The following MANSC1 variants were observed in gnomAD, a reference collection of about 807,000 sequenced individuals.
MANSC1 encodes MANSC domain-containing protein 1.
A neutral mutation model predicts 14.1 loss-of-function variants in MANSC1; 13 were observed. The observed-to-expected ratio is 0.92, with a 90% CI of 0.60 to 1.46. MANSC1 has a LOEUF of 1.46. Among genes scored for constraint, MANSC1 ranks in the 40% most tolerant of loss-of-function variants. MANSC1 has a pLI of 0.00. For synonymous variants in MANSC1, 227 were observed against 200.7 expected (o/e 1.13, Z -1.11); for missense variants, 486 against 511.4 (o/e 0.95, Z 0.48).
chr12:12,343,545 T>C (rs1242921974), intron 1 of MANSC1, 131 bp from the exon 2 acceptor site: 3 of 494,074 alleles, frequency 6.1e-6, no homozygotes, highest in Non-Finnish European at 1.1e-5. Context: ...CACGTATTTT[T>C]TGTTTCACTT....
Position 12,329,966 on chromosome 12 carries a change from G to C in MANSC1, c.*61C>G. 1 of 1,416,822 alleles carries C rather than the reference G, an allele frequency of 7.1e-7. No individual in the cohort carries two copies. Among genetic ancestry groups the C allele is most frequent in the Non-Finnish European group, 9.7e-7 (1 of 1,029,168 alleles). 87.8% of individuals were successfully genotyped at this position (1,416,822 alleles called of 1,614,324 possible). A position where few individuals can be genotyped will look rare whatever the true frequency, so the allele number is the denominator to read the frequency against. On this transcript the variant is annotated 3_prime_UTR_variant, in exon 4 of 4. Transcript: ENST00000535902. ...TCCTGCTAAGACTAGCAAGTCAGCAGAAACTCATTGCATTTGGGCTTCTGG... is the reference window on the plus strand; with the variant it reads ...TCCTGCTAAGACTAGCAAGTCAGCACAAACTCATTGCATTTGGGCTTCTGG...
chr12:12,346,674 T>C lies in MANSC1; in HGVS notation c.-100-3260A>G, dbSNP rs1404258172. Among the ~76,000 whole-genome samples the C allele has an allele frequency of 2.0e-5, 3 of 152,136 alleles. No individual in the cohort carries two copies. The East Asian group carries it at 5.8e-4, about 29-fold the overall frequency. ...CTGGATATCCATTTGCAAAAATGAA[T>C]AAATAAATAAATCTAGCCACATACT... On this transcript the variant is annotated intron_variant, in intron 1 of 3. Coordinates refer to ENST00000535902, the MANE Select transcript of MANSC1 (RefSeq NM_018050.4).
chr12:12,345,045 G>C (rs2135997978), intron 1 of MANSC1, among the ~76,000 whole-genome samples: 1 of 144,674 alleles, frequency 6.9e-6, no homozygotes, highest in East Asian at 2.0e-4. Context: ...GCCGGGTGCG[G>C]TGGCTCATGC....
intron 3 of MANSC1, among the ~76,000 whole-genome samples, chr12:12,336,853 T>G (rs1862864727): frequency 6.6e-6 from 1 of 152,222 alleles, no homozygotes; most frequent in Admixed American, 6.5e-5. Flanking sequence ...TGTTGTTTCC[T>G]TAGGGCATAG....
chr12:12,349,257 T>C (rs988873785), intron 1 of MANSC1, among the ~76,000 whole-genome samples: 2 of 152,184 alleles, frequency 1.3e-5, no homozygotes, highest in East Asian at 3.8e-4. Context: ...AGGTACTTAA[T>C]ACGCTGCCAT....
intron 2 of MANSC1, among the ~76,000 whole-genome samples, chr12:12,340,029 C>T (rs1862914343): frequency 6.6e-6 from 1 of 152,098 alleles, no homozygotes. Flanking sequence ...CTAGGCTGAT[C>T]TTGAACTCTT....
chr12:12,347,878 G>A (rs1863028839), intron 1 of MANSC1, among the ~76,000 whole-genome samples: 1 of 151,064 alleles, frequency 6.6e-6, no homozygotes, highest in African/African-American at 2.4e-5. Context: ...GACCAACATG[G>A]TGAAACCCCA....
chr12:12,349,275 A>C (rs1380553675), intron 1 of MANSC1, among the ~76,000 whole-genome samples: 3 of 152,202 alleles, frequency 2.0e-5, no homozygotes, highest in Non-Finnish European at 4.4e-5. Context: ...CATATTTTGC[A>C]AGCCTCTAGG....
chr12:12,334,805 TA>T (rs1346188331), intron 3 of MANSC1, among the ~76,000 whole-genome samples: 16 of 152,254 alleles, frequency 1.1e-4, no homozygotes, highest in Middle Eastern at 3.4e-3. Context: ...TAACAACAAT[TA>T]TTTACACAAT....
At chr12:12,335,560 C>T (rs910626481) in intron 3 of MANSC1, among the ~76,000 whole-genome samples, 4 of 148,760 alleles carry the variant, frequency 2.7e-5, no homozygotes, top group African/African-American at 9.9e-5. Context: ...AGGCTGGTCT[C>T]GAATTCCTGA....
chr12:12,329,312 T>C lies in MANSC1; in HGVS notation c.*715A>G, dbSNP rs1862749935. On this transcript the variant is annotated 3_prime_UTR_variant, in exon 4 of 4. Transcript: ENST00000535902. ...ATATTTAATTGGAAGGAACTACATC[T>C]GGAATAAGTTTTAAAGGAATCCATA... The C allele has an allele frequency of 1.3e-5, 2 of 152,172 alleles. No homozygotes were observed. Among genetic ancestry groups the C allele is most frequent in the African/African-American group, 2.4e-5 (1 of 41,446 alleles). The allele number at this position is 152,172 out of a possible 1,614,324, so 9.4% of individuals were successfully genotyped here. A position where few individuals can be genotyped will look rare whatever the true frequency, so the allele number is the denominator to read the frequency against.
At chr12:12,337,373 C>A (rs1057237766) in intron 3 of MANSC1, among the ~76,000 whole-genome samples, 1 of 151,924 alleles carries the variant, frequency 6.6e-6, no homozygotes, top group Non-Finnish European at 1.5e-5. Context: ...CTGGCTAACA[C>A]GGTGAAACCC....
intron 1 of MANSC1, among the ~76,000 whole-genome samples, chr12:12,346,292 C>T (rs1863009782): frequency 6.6e-6 from 1 of 152,050 alleles, no homozygotes; most frequent in South Asian, 2.1e-4. Flanking sequence ...GGTATCAGTG[C>T]TTCCCAACTT....
Position 12,329,962 on chromosome 12 carries a change from A to G in MANSC1, c.*65T>C. The G allele has an allele frequency of 1.5e-6, 2 of 1,367,588 alleles. No individual in the cohort carries two copies. Among genetic ancestry groups the G allele is most frequent in the Non-Finnish European group, 1.0e-6 (1 of 990,346 alleles). 84.7% of individuals were successfully genotyped at this position (1,367,588 alleles called of 1,614,324 possible). A position where few individuals can be genotyped will look rare whatever the true frequency, so the allele number is the denominator to read the frequency against. ...AACCTCCTGCTAAGACTAGCAAGTC[A>G]GCAGAAACTCATTGCATTTGGGCTT... On this transcript the variant is annotated 3_prime_UTR_variant, in exon 4 of 4. Coordinates refer to ENST00000535902, the MANE Select transcript of MANSC1 (RefSeq NM_018050.4).
chr12:12,340,166 A>T (rs1437466189), intron 2 of MANSC1, among the ~76,000 whole-genome samples: 1 of 152,056 alleles, frequency 6.6e-6, no homozygotes, highest in Non-Finnish European at 1.5e-5. Context: ...CCCTCTATTC[A>T]TCATGGCCTA....
chr12:12,330,415 A>G lies in MANSC1; in HGVS notation c.908T>C (p.Leu303Pro). 4 of 1,614,246 alleles carry G rather than the reference A, an allele frequency of 2.5e-6. No individual in the cohort carries two copies. The highest frequency in any genetic ancestry group is 3.4e-6 in the Non-Finnish European group (4 of 1,180,038). The part of the protein sequence containing the change: ...TLQAMATTAV[L>P]TTTFQAPTDS... ...CGTAGGTGCCTGAAAGGTGGTAGTC[A>G]GAACTGCTGTTGTAGCCATTGCTTG... Residue 303 changes from leucine (L) to proline (P), a missense_variant, in exon 4 of 4, where the codon CTG becomes CCG. Physicochemically the swap from Leu to Pro is moderately conservative, Grantham distance 98. Transcript: ENST00000535902.
At position 12,332,589 on chromosome 12, in the gene MANSC1, C is replaced by T. The variant is rs142188690; in HGVS notation, c.365-1631G>A. Among the ~76,000 whole-genome samples, 1,422 of 152,198 alleles carry T rather than the reference C, an allele frequency of 9.3e-3. 28 individuals are homozygous for T. Among genetic ancestry groups the T allele is most frequent in the African/African-American group, 0.031 (1,273 of 41,524 alleles). On this transcript the variant is annotated intron_variant, in intron 3 of 3. Transcript: ENST00000535902. ...AGGCTGGAGTGCAGTGGTATGATCT[C>T]GACTCACTGCAACCTCTGCCTTCCA...
intron 3 of MANSC1, among the ~76,000 whole-genome samples, chr12:12,332,113 G>C (rs886926088): frequency 1.3e-5 from 2 of 152,202 alleles, no homozygotes; most frequent in Non-Finnish European, 2.9e-5. Flanking sequence ...ATCAAGTGCA[G>C]GGAATGACCA....
At chr12:12,347,992 C>T (rs1039407094) in intron 1 of MANSC1, among the ~76,000 whole-genome samples, 14 of 151,294 alleles carry the variant, frequency 9.3e-5, no homozygotes, top group African/African-American at 1.5e-4. Context: ...GAACCCGGGA[C>T]GTGGAGGTTG....
Sources: allele counts gnomAD v4.1 joint callset (sites outside exome capture counted in the v4.1 genomes callset), GRCh38; gene constraint gnomAD v4.1.1; transcripts MANE v1.5; gene names NCBI Gene and HGNC (gene_info 2026-07-23, HGNC 2026-07-21).